The following OR51B5 variants were observed in gnomAD, a reference collection of about 807,000 sequenced individuals.
OR51B5 encodes the protein olfactory receptor 51B5.
For synonymous variants in OR51B5, 186 were observed against 144.8 expected, an observed-to-expected ratio of 1.28 and a Z score of -2.04; for missense variants, 456 against 374.6, an observed-to-expected ratio of 1.22 and a Z score of -1.79.
chr11:5,373,232 G>C (rs1849470864), intron 1 of OR51B5, among the ~76,000 whole-genome samples: 1 of 152,182 alleles, frequency 6.6e-6, no homozygotes, highest in Non-Finnish European at 1.5e-5. Context: ...TATAGAGATA[G>C]CTGCTTGATA....
intron 1 of OR51B5, among the ~76,000 whole-genome samples, chr11:5,401,123 C>T (rs543126344): frequency 3.9e-4 from 60 of 152,286 alleles, no homozygotes; most frequent in African/African-American, 1.4e-3. Flanking sequence ...CCAATCCAGG[C>T]AGGTGGTTTT....
In OR51B5 at chr11:5,422,587, C is replaced by CATAA. The variant is rs750544220; in HGVS notation, n.85-75678_85-75677insTTAT. ...CCGTTGACTGCTATGTGGCCATCTG[C>CATAA]TGTCCCCTCCATTATGCCTCCATCC... On this transcript the variant is annotated intron_variant and non_coding_transcript_variant, in intron 1 of 4. Coordinates refer to the OR51B5 transcript ENST00000415970. 10 of 1,614,032 alleles carry CATAA rather than the reference C, an allele frequency of 6.2e-6. No individual in the cohort carries two copies. The African/African-American group carries it at 1.2e-4, about 19-fold the overall frequency.
chr11:5,447,563 A>T (rs1307438217), intron 1 of OR51B5, among the ~76,000 whole-genome samples: 1 of 151,402 alleles, frequency 6.6e-6, no homozygotes, highest in African/African-American at 2.4e-5. Flanking sequence ...TTTTGTACTT[A>T]TTATTATGTT....
At chr11:5,470,200 T>A (rs1181409839) in intron 1 of OR51B5, among the ~76,000 whole-genome samples, 1 of 152,210 alleles carries the variant, frequency 6.6e-6, no homozygotes, top group Non-Finnish European at 1.5e-5. Flanking sequence ...CAAATCAGCA[T>A]GTGTTTAAAC....
At chr11:5,396,943 A>C (rs1849882575) in intron 1 of OR51B5, among the ~76,000 whole-genome samples, 1 of 152,250 alleles carries the variant, frequency 6.6e-6, no homozygotes, top group Non-Finnish European at 1.5e-5. Context: ...GAGAAAAACA[A>C]GAAATGGGGA....
intron 1 of OR51B5, among the ~76,000 whole-genome samples, chr11:5,416,811 A>T (rs1850251791): frequency 6.6e-6 from 1 of 151,570 alleles, no homozygotes; most frequent in African/African-American, 2.4e-5. Context: ...TTCCATGCTC[A>T]TGGGTAGGAA....
At chr11:5,477,071 CATAA>C (rs1278179216) in intron 1 of OR51B5, among the ~76,000 whole-genome samples, 4 of 151,794 alleles carry the variant, frequency 2.6e-5, no homozygotes, top group African/African-American at 4.8e-5. Context: ...TTTTCATCAT[CATAA>C]ATAAATAGAG....
intron 1 of OR51B5, among the ~76,000 whole-genome samples, chr11:5,365,481 C>G (rs985112006): frequency 1.1e-4 from 17 of 148,822 alleles, no homozygotes; most frequent in African/African-American, 4.0e-4. Context: ...TCTGGTCTGC[C>G]AGTCAGCAAC....
intron 1 of OR51B5, among the ~76,000 whole-genome samples, chr11:5,380,253 C>T (rs1011031615): frequency 1.3e-5 from 2 of 152,170 alleles, no homozygotes; most frequent in Admixed American, 6.5e-5. Flanking sequence ...ACCTTCCAGA[C>T]TCTCTGTGCA....
chr11:5,365,178 G>A (rs1393787688), intron 1 of OR51B5, among the ~76,000 whole-genome samples: 3 of 152,184 alleles, frequency 2.0e-5, no homozygotes, highest in African/African-American at 7.2e-5. Context: ...TAGACATTTA[G>A]AGTGTAGGGC....
In OR51B5 at chr11:5,378,793, AT is replaced by A. The variant is rs1442746382; in HGVS notation, n.85-31884del. ...TCTCATACCAGTTAGAATGGCAATC[AT>A]TAAAAAGTCAGGAAACAACAGGTGC... On this transcript the variant is annotated intron_variant and non_coding_transcript_variant, in intron 1 of 4. Transcript: ENST00000415970. Among the ~76,000 whole-genome samples, 45 of 151,748 alleles carry A rather than the reference AT, an allele frequency of 3.0e-4. No homozygotes were observed. The East Asian group carries it at 3.1e-3, about 10-fold the overall frequency.
intron 1 of OR51B5, among the ~76,000 whole-genome samples, chr11:5,360,099 C>T (rs1849257161): frequency 6.6e-6 from 1 of 151,972 alleles, no homozygotes; most frequent in Non-Finnish European, 1.5e-5. Flanking sequence ...GACTTCATGT[C>T]TAAAACACCA....
intron 1 of OR51B5, among the ~76,000 whole-genome samples, chr11:5,485,377 CA>C (rs1001488972): frequency 6.6e-6 from 1 of 152,172 alleles, no homozygotes; most frequent in African/African-American, 2.4e-5. Context: ...ATCTTTCCCA[CA>C]AAAAATGTGT....
chr11:5,387,700 G>A (rs1285929096), intron 1 of OR51B5, among the ~76,000 whole-genome samples: 3 of 144,324 alleles, frequency 2.1e-5, no homozygotes, highest in Non-Finnish European at 4.5e-5. Flanking sequence ...CTCTGCTTCA[G>A]GAACTTTCAC....
chr11:5,434,879 G>C (rs1345998482), intron 1 of OR51B5, among the ~76,000 whole-genome samples: 1 of 152,130 alleles, frequency 6.6e-6, no homozygotes, highest in Admixed American at 6.5e-5. Flanking sequence ...CCCTATAAAG[G>C]CCAGCAGCCA....
At chr11:5,378,160 A>C (rs1250825812) in intron 1 of OR51B5, among the ~76,000 whole-genome samples, 3 of 151,880 alleles carry the variant, frequency 2.0e-5, no homozygotes, top group African/African-American at 7.3e-5. Context: ...AACGACGCAT[A>C]TCTACAACTA....
At chr11:5,376,014 T>A (rs1849521922) in intron 1 of OR51B5, among the ~76,000 whole-genome samples, 1 of 152,170 alleles carries the variant, frequency 6.6e-6, no homozygotes, top group South Asian at 2.1e-4. Context: ...ATACATTTTT[T>A]TTCAGCACCA....
chr11:5,468,786 C>G, intron 1 of OR51B5: 1 of 456,032 alleles, frequency 2.2e-6, no homozygotes, highest in Non-Finnish European at 4.4e-6. Context: ...AGCAGTGAAT[C>G]TACACCAAAG....
At chr11:5,357,371 G>T (rs1184405433) in intron 1 of OR51B5, among the ~76,000 whole-genome samples, 1 of 150,524 alleles carries the variant, frequency 6.6e-6, no homozygotes, top group Non-Finnish European at 1.5e-5. Flanking sequence ...GATCAAAAGA[G>T]ACAAAGAAGG....
Sources: allele counts gnomAD v4.1 joint callset (sites outside exome capture counted in the v4.1 genomes callset), GRCh38; gene constraint gnomAD v4.1.1; transcripts MANE v1.5; gene names NCBI Gene and HGNC (gene_info 2026-07-23, HGNC 2026-07-21).